SAMD3: variants seen among roughly 807,000 people sequenced by gnomAD.
SAMD3 encodes sterile alpha motif domain-containing protein 3.
In SAMD3, 63 loss-of-function variants were observed where a neutral mutation model predicts 58.5. The observed-to-expected ratio is 1.08, with a 90% CI of 0.88 to 1.33. SAMD3 has a LOEUF of 1.33. Among genes scored for constraint, SAMD3 ranks in the 40% most tolerant of loss-of-function variants. The probability of loss-of-function intolerance (pLI) is 0.00; values close to 1 mark genes in which losing one functional copy is unlikely to be tolerated. For missense variants in SAMD3, 604 were observed against 608.4 expected, an observed-to-expected ratio of 0.99 and a Z score of 0.08; for synonymous variants, 220 against 210.3, an observed-to-expected ratio of 1.05 and a Z score of -0.40.
At chr6:130,346,465 C>T (rs796283881) in intron 1 of SAMD3, among the ~76,000 whole-genome samples, 15 of 152,196 alleles carry the variant, frequency 9.9e-5, no homozygotes, top group South Asian at 2.1e-4. Context: ...CACGGAGCCT[C>T]GCTCATTGCT....
chr6:130,219,877 A>G (rs1796145971), intron 1 of SAMD3, among the ~76,000 whole-genome samples: 1 of 152,194 alleles, frequency 6.6e-6, no homozygotes. Flanking sequence ...TAGTGTCTCC[A>G]TTGGTTCTTT....
intron 1 of SAMD3, among the ~76,000 whole-genome samples, chr6:130,324,709 A>C (rs1271962448): frequency 1.3e-5 from 2 of 152,218 alleles, no homozygotes; most frequent in Non-Finnish European, 2.9e-5. Flanking sequence ...GAATTCAAAA[A>C]ATCTGAACAT....
chr6:130,158,014 G>A (rs1032648698), intron 8 of SAMD3, among the ~76,000 whole-genome samples: 1 of 151,664 alleles, frequency 6.6e-6, no homozygotes, highest in Non-Finnish European at 1.5e-5. Context: ...CAAAAAATGT[G>A]GAAGACTTTT....
chr6:130,244,737 CAAAA>C (rs869081527), intron 2 of SAMD3, among the ~76,000 whole-genome samples: 94 of 118,802 alleles, frequency 7.9e-4, no homozygotes, highest in African/African-American at 3.6e-3. Context: ...GAGCCTGTCT[CAAAA>C]AAAAAATAAA....
chr6:130,162,218 CAG>C lies in SAMD3; in HGVS notation c.823-7195_823-7194del, dbSNP rs1251121134. ...AACACCACAGTAACCTAAGCTCTCA[CAG>C]AGTTGGTTGTAATAGCAGAGCATAG... On this transcript the variant is annotated intron_variant, in intron 8 of 11. Coordinates refer to ENST00000439090, the MANE Select transcript of SAMD3 (RefSeq NM_001017373.4). 1.1e-4 allele frequency: 79 copies of C among 700,338 alleles called. No individual in the cohort carries two copies. In the Admixed American group the frequency reaches 1.6e-3, roughly 14 times the overall value. 43.4% of individuals were successfully genotyped at this position (700,338 alleles called of 1,614,324 possible). A position where few individuals can be genotyped will look rare whatever the true frequency, so the allele number is the denominator to read the frequency against.
intron 1 of SAMD3, among the ~76,000 whole-genome samples, chr6:130,331,105 T>C (rs940430099): frequency 2.0e-5 from 3 of 152,184 alleles, no homozygotes; most frequent in African/African-American, 4.8e-5. Context: ...AGTACTAATA[T>C]ATGAGCAGAA....
At chr6:130,204,533 AT>A in intron 5 of SAMD3, among the ~76,000 whole-genome samples, 1 of 149,814 alleles carries the variant, frequency 6.7e-6, no homozygotes, top group Non-Finnish European at 1.5e-5. Flanking sequence ...GGAAGTGGAG[AT>A]TGCAATGAGC....
chr6:130,269,103 G>C (rs1040713777), intron 2 of SAMD3, among the ~76,000 whole-genome samples: 1 of 151,998 alleles, frequency 6.6e-6, no homozygotes, highest in Non-Finnish European at 1.5e-5. Flanking sequence ...CTTTAAGTCC[G>C]TGATCCATTT....
upstream of SAMD3, among the ~76,000 whole-genome samples, chr6:130,224,779 C>A (rs867434071): frequency 9.9e-5 from 15 of 151,870 alleles, no homozygotes; most frequent in Non-Finnish European, 1.8e-4. Flanking sequence ...CCACCACGCC[C>A]AGCTAAGTTT....
At chr6:130,266,950 CAT>C (rs1774381068) in intron 2 of SAMD3, among the ~76,000 whole-genome samples, 1 of 152,190 alleles carries the variant, frequency 6.6e-6, no homozygotes, top group Non-Finnish European at 1.5e-5. Flanking sequence ...TCAACCAAAT[CAT>C]ATTGTTGCAA....
chr6:130,306,975 G>A (rs75671210), intron 2 of SAMD3, among the ~76,000 whole-genome samples: 3,853 of 152,188 alleles, frequency 0.025, 69 homozygotes, highest in Non-Finnish European at 0.04. Flanking sequence ...CAAAAGATGC[G>A]GATGATCTAG....
chr6:130,302,783 A>T (rs1009206552), intron 2 of SAMD3, among the ~76,000 whole-genome samples: 1 of 152,200 alleles, frequency 6.6e-6, no homozygotes, highest in Non-Finnish European at 1.5e-5. Context: ...TTGCAGTAAC[A>T]TAGATGCAGC....
At chr6:130,325,351 T>G (rs979482641) in intron 1 of SAMD3, among the ~76,000 whole-genome samples, 1 of 151,944 alleles carries the variant, frequency 6.6e-6, no homozygotes, top group Non-Finnish European at 1.5e-5. Flanking sequence ...AACTCCAGAG[T>G]CTGAAGGCTG....
chr6:130,271,608 T>C (rs1774565650), intron 2 of SAMD3, among the ~76,000 whole-genome samples: 1 of 152,232 alleles, frequency 6.6e-6, no homozygotes, highest in South Asian at 2.1e-4. Flanking sequence ...GTTTTTGTTA[T>C]TTGCGTTTGA....
intron 2 of SAMD3, 43 bp downstream of exon 2, chr6:130,216,528 C>T (rs1297119910): frequency 6.6e-6 from 1 of 152,030 alleles, no homozygotes; most frequent in African/African-American, 2.4e-5. Flanking sequence ...TTACAATTAC[C>T]AACATCATAG....
At chr6:130,266,925 C>T (rs1360035251) in intron 2 of SAMD3, among the ~76,000 whole-genome samples, 2 of 152,132 alleles carry the variant, frequency 1.3e-5, no homozygotes, top group Non-Finnish European at 2.9e-5. Flanking sequence ...GGATACCGGA[C>T]CCCCATTTAC....
intron 1 of SAMD3, among the ~76,000 whole-genome samples, chr6:130,359,805 C>G (rs1486594211): frequency 6.6e-6 from 1 of 152,192 alleles, no homozygotes; most frequent in East Asian, 1.9e-4. Flanking sequence ...AAGGCTGTTT[C>G]CTTAGGTGTG....
chr6:130,289,411 TC>T (rs1775284564), intron 2 of SAMD3, among the ~76,000 whole-genome samples: 1 of 152,174 alleles, frequency 6.6e-6, no homozygotes, highest in Non-Finnish European at 1.5e-5. Flanking sequence ...CAACTGTCAA[TC>T]CAGTGTTCTC....
At chr6:130,198,169 C>T (rs1384944275) in intron 5 of SAMD3, among the ~76,000 whole-genome samples, 1 of 152,124 alleles carries the variant, frequency 6.6e-6, no homozygotes. Context: ...AAATAAACAG[C>T]CATGTTGCTC....
Sources: allele counts gnomAD v4.1 joint callset (sites outside exome capture counted in the v4.1 genomes callset), GRCh38; gene constraint gnomAD v4.1.1; transcripts MANE v1.5; gene names NCBI Gene and HGNC (gene_info 2026-07-23, HGNC 2026-07-21).